The following RAB2A variants were observed in gnomAD, a reference collection of about 807,000 sequenced individuals.
RAB2A encodes ras-related protein Rab-2A.
RAB2A carries 7 observed loss-of-function variants against 32.5 expected under a neutral mutation model. The observed-to-expected ratio is 0.22, with a 90% CI of 0.12 to 0.40. RAB2A has a LOEUF of 0.40. Among genes scored for constraint, RAB2A ranks in the 10% least tolerant of loss-of-function variants. The pLI, the probability that RAB2A is intolerant of heterozygous loss-of-function variation, is 1.00. For missense variants in RAB2A, 108 were observed against 260.7 expected (o/e 0.41, Z 4.03); for synonymous variants, 79 against 85.2 (o/e 0.93, Z 0.40).
At chr8:60,593,924 T>TAAA (rs60039535) in intron 6 of RAB2A, among the ~76,000 whole-genome samples, 2 of 150,104 alleles carry the variant, frequency 1.3e-5, no homozygotes, top group African/African-American at 4.9e-5. Context: ...AATTTTAAAA[T>TAAA]AAAAAAAAAT....
intron 6 of RAB2A, among the ~76,000 whole-genome samples, chr8:60,599,154 A>G (rs1347112172): frequency 6.6e-6 from 1 of 152,110 alleles, no homozygotes; most frequent in East Asian, 1.9e-4. Context: ...ATGAACACCA[A>G]AACTCAAAAT....
intron 1 of RAB2A, among the ~76,000 whole-genome samples, chr8:60,549,479 CTTTTT>C (rs34956255): frequency 7.2e-6 from 1 of 139,328 alleles, no homozygotes. Flanking sequence ...CTCCACCAAC[CTTTTT>C]TTTTTTTTTT....
intron 6 of RAB2A, among the ~76,000 whole-genome samples, chr8:60,606,241 G>A (rs1421399484): frequency 6.6e-6 from 1 of 152,076 alleles, no homozygotes; most frequent in East Asian, 1.9e-4. Context: ...ACTAATACAT[G>A]TATATAAAAT....
intron 2 of RAB2A, among the ~76,000 whole-genome samples, chr8:60,567,688 T>C (rs1808135859): frequency 1.4e-5 from 2 of 139,176 alleles, no homozygotes; most frequent in African/African-American, 6.5e-5. Context: ...TAAAATTTTA[T>C]GGTTTTGTTC....
At chr8:60,526,056 T>TAA (rs1554550764) in intron 1 of RAB2A, among the ~76,000 whole-genome samples, 1 of 125,540 alleles carries the variant, frequency 8.0e-6, no homozygotes, top group Non-Finnish European at 1.7e-5. Flanking sequence ...TATATATATA[T>TAA]AAGTTTTCTG....
At chr8:60,576,849 G>T (rs914963768) in intron 3 of RAB2A, among the ~76,000 whole-genome samples, 1 of 152,078 alleles carries the variant, frequency 6.6e-6, no homozygotes, top group African/African-American at 2.4e-5. Context: ...TGGGAGTTGA[G>T]GGGCTTAGAG....
At chr8:60,560,417 C>G (rs1305039878) in intron 2 of RAB2A, among the ~76,000 whole-genome samples, 1 of 152,166 alleles carries the variant, frequency 6.6e-6, no homozygotes, top group African/African-American at 2.4e-5. Context: ...GCTGCCCTCT[C>G]TATAGGATTT....
intron 5 of RAB2A, among the ~76,000 whole-genome samples, chr8:60,587,573 C>T (rs926990034): frequency 5.9e-5 from 9 of 152,054 alleles, no homozygotes; most frequent in Admixed American, 3.9e-4. Context: ...TATACAACAT[C>T]GTGACATGGT....
chr8:60,609,175 T>C (rs953082945), intron 6 of RAB2A, among the ~76,000 whole-genome samples: 3 of 152,136 alleles, frequency 2.0e-5, no homozygotes, highest in Admixed American at 6.5e-5. Context: ...TAGGAGTCGA[T>C]CAGCTTTACA....
chr8:60,568,875 C>T (rs923789772), intron 2 of RAB2A, among the ~76,000 whole-genome samples: 42 of 151,686 alleles, frequency 2.8e-4, no homozygotes, highest in African/African-American at 9.9e-4. Context: ...AACAATTTAT[C>T]ACATAAAAAA....
intron 6 of RAB2A, among the ~76,000 whole-genome samples, chr8:60,609,118 A>G (rs1804291411): frequency 6.6e-6 from 1 of 152,124 alleles, no homozygotes; most frequent in Non-Finnish European, 1.5e-5. Context: ...GGCATGCAGG[A>G]TGCTTTGATT....
rs73261226 is a variant in RAB2A, at chr8:60,584,719, T to G, written c.270-4T>G. The G allele has an allele frequency of 6.2e-7, 1 of 1,600,446 alleles. No homozygotes were observed. Among genetic ancestry groups the G allele is most frequent in the African/African-American group, 1.3e-5 (1 of 74,652 alleles). On this transcript the variant is annotated splice_region_variant and splice_polypyrimidine_tract_variant and intron_variant, in intron 4 of 7. Transcript: ENST00000262646. ...ATAGTAATTAAATTATTATTTATGT[T>G]TAGGAGAGATACATTCAACCACTTG...
At chr8:60,528,013 G>A (rs933912509) in intron 1 of RAB2A, among the ~76,000 whole-genome samples, 5 of 152,008 alleles carry the variant, frequency 3.3e-5, no homozygotes, top group Admixed American at 6.6e-5. Flanking sequence ...CAGGTTTTTC[G>A]GACTCCAAAG....
intron 5 of RAB2A, among the ~76,000 whole-genome samples, chr8:60,587,335 A>G (rs1054176265): frequency 6.6e-6 from 1 of 152,232 alleles, no homozygotes; most frequent in Non-Finnish European, 1.5e-5. Context: ...CTCAACTGTT[A>G]CATTATACCA....
chr8:60,579,046 TTTTG>T (rs1231644885), intron 3 of RAB2A, among the ~76,000 whole-genome samples: 3 of 151,156 alleles, frequency 2.0e-5, no homozygotes, highest in African/African-American at 7.4e-5. Flanking sequence ...TTTGTTTTGT[TTTTG>T]TTTTGTTTTT....
Position 60,517,109 on chromosome 8 carries a change from C to T in RAB2A, c.-99C>T, listed in dbSNP as rs1807217483. ...GCAGCAGCGGCGGCGGCGGGCGGCG[C>T]CTGGCGTTTCGAGGCTGAGCGGCAC... On this transcript the variant is annotated 5_prime_UTR_variant, in exon 1 of 8. Transcript: ENST00000262646. 1.6e-6 allele frequency: 2 copies of T among 1,274,274 alleles called. No homozygotes were observed. Among genetic ancestry groups the T allele is most frequent in the African/African-American group, 1.6e-5 (1 of 63,530 alleles). 78.9% of individuals were successfully genotyped at this position (1,274,274 alleles called of 1,614,324 possible).
At chr8:60,544,787 T>G (rs555404289) in intron 1 of RAB2A, among the ~76,000 whole-genome samples, 1 of 152,324 alleles carries the variant, frequency 6.6e-6, no homozygotes, top group African/African-American at 2.4e-5. Flanking sequence ...TCCAGATGGA[T>G]TTGAACACTG....
chr8:60,554,787 A>G (rs1188129106), intron 1 of RAB2A, among the ~76,000 whole-genome samples: 2 of 152,054 alleles, frequency 1.3e-5, no homozygotes, highest in African/African-American at 4.8e-5. Flanking sequence ...CGGAAGGCGG[A>G]GGTTGCAGTG....
chr8:60,616,697 T>C (rs904588616), intron 6 of RAB2A, among the ~76,000 whole-genome samples: 1 of 152,258 alleles, frequency 6.6e-6, no homozygotes, highest in Non-Finnish European at 1.5e-5. Flanking sequence ...ATTATTTTGC[T>C]GCAAATTCTC....
Sources: gnomAD v4.1 joint callset for allele counts (sites outside exome capture counted in the v4.1 genomes callset) on GRCh38, gnomAD v4.1.1 for gene constraint, MANE v1.5 for transcripts, NCBI Gene and HGNC (gene_info 2026-07-23, HGNC 2026-07-21) for gene names.